The following ARID5B variants were observed in gnomAD, a reference collection of about 807,000 sequenced individuals.
ARID5B encodes AT-rich interaction domain 5B, also known as AT-rich interactive domain-containing protein 5B.
ARID5B carries 13 observed loss-of-function variants against 97.2 expected under a neutral mutation model. The ratio of observed to expected loss-of-function variants is 0.13; its 90% confidence interval spans 0.09 to 0.21. ARID5B has a LOEUF of 0.21. Ranked by LOEUF, ARID5B falls within the 10% of genes least tolerant of loss-of-function variation. The pLI, the probability that ARID5B is intolerant of heterozygous loss-of-function variation, is 1.00. For missense variants in ARID5B, 1,210 were observed against 1,465.3 expected, an observed-to-expected ratio of 0.83 and a Z score of 2.84; for synonymous variants, 556 against 570.3, an observed-to-expected ratio of 0.97 and a Z score of 0.36.
At chr10:62,068,680 A>G (rs1044364190) in intron 7 of ARID5B, among the ~76,000 whole-genome samples, 1 of 152,106 alleles carries the variant, frequency 6.6e-6, no homozygotes, top group East Asian at 1.9e-4. Context: ...ACACATTCAA[A>G]TAACAGAGTT....
intron 7 of ARID5B, among the ~76,000 whole-genome samples, chr10:62,060,692 A>G (rs960846144): frequency 1.3e-5 from 2 of 152,208 alleles, no homozygotes; most frequent in African/African-American, 4.8e-5. Flanking sequence ...TAAACGTAGA[A>G]GTCAACCCAA....
chr10:62,096,686 A>T lies in ARID5B; in HGVS notation c.*3656A>T, dbSNP rs1443646011. On this transcript the variant is annotated 3_prime_UTR_variant, in exon 10 of 10. Transcript: ENST00000279873. Reference sequence around the variant, plus strand: ...TGCTCTGTAAGGTGATTATTTGTATATAGCAACATGGCCCAGTGATATTAT... The same window carrying T: ...TGCTCTGTAAGGTGATTATTTGTATTTAGCAACATGGCCCAGTGATATTAT... 4.3e-6 allele frequency: 1 copy of T among 233,428 alleles called. No individual in the cohort carries two copies. The highest frequency in any genetic ancestry group is 8.5e-6 in the Non-Finnish European group (1 of 118,000). 14.5% of individuals were successfully genotyped at this position (233,428 alleles called of 1,614,324 possible).
chr10:62,087,688 G>T (rs1487637040), intron 9 of ARID5B, among the ~76,000 whole-genome samples: 1 of 152,098 alleles, frequency 6.6e-6, no homozygotes, highest in Non-Finnish European at 1.5e-5. Context: ...GGTTTAAATT[G>T]CACATGTACA....
chr10:62,091,403 A>G lies in ARID5B; in HGVS notation c.1940A>G (p.Lys647Arg). 6.2e-7 allele frequency: 1 copy of G among 1,613,744 alleles called. No homozygotes were observed. Among genetic ancestry groups the G allele is most frequent in the South Asian group, 1.1e-5 (1 of 91,032 alleles). ...CACAATGCGCTCAAGCAGACCCCAA[A>G]GGTCCTTGTGGTCCAGTCGTTTGAC... ...DIHNALKQTP[K>R]VLVVQSFDMF... Residue 647 changes from lysine (K) to arginine (R), a missense_variant, in exon 10 of 10, where the codon AAG becomes AGG. Transcript: ENST00000279873.
chr10:61,965,394 G>A (rs911923723), intron 3 of ARID5B, among the ~76,000 whole-genome samples: 1 of 152,084 alleles, frequency 6.6e-6, no homozygotes, highest in Non-Finnish European at 1.5e-5. Context: ...AGGAGGAACG[G>A]TTATTTTTAA....
Position 62,092,632 on chromosome 10 carries a change from G to A in ARID5B, c.3169G>A (p.Ala1057Thr). Residue 1057 changes from alanine to threonine, a missense_variant, in exon 10 of 10, where the codon GCG becomes ACG. Physicochemically the swap from Ala to Thr is moderately conservative, Grantham distance 58. Around this residue, in one of 8 missense-constraint regions of ARID5B, gnomAD observed 800 missense variants for 839.1 expected, o/e 0.95. Coordinates refer to ENST00000279873, the MANE Select transcript of ARID5B (RefSeq NM_032199.3). ...SEQESEGSKA[A>T]HGGHSGGGSE... ...GCAGGAGAGTGAAGGCAGCAAAGCAGCGCACGGTGGGCATTCCGGGGGCGG... is the reference window on the plus strand; with the variant it reads ...GCAGGAGAGTGAAGGCAGCAAAGCAACGCACGGTGGGCATTCCGGGGGCGG... 6.2e-7 allele frequency: 1 copy of A among 1,614,220 alleles called. No individual in the cohort carries two copies. The highest frequency in any genetic ancestry group is 8.5e-7 in the Non-Finnish European group (1 of 1,180,030).
At chr10:61,988,666 G>A (rs922272324) in intron 3 of ARID5B, among the ~76,000 whole-genome samples, 44 of 152,058 alleles carry the variant, frequency 2.9e-4, no homozygotes, top group African/African-American at 1.0e-3. Flanking sequence ...TTGGCCAAAA[G>A]GAACCTGTAC....
chr10:61,994,572 C>G (rs1356613489), intron 3 of ARID5B, among the ~76,000 whole-genome samples: 1 of 152,134 alleles, frequency 6.6e-6, no homozygotes, highest in African/African-American at 2.4e-5. Context: ...GAGCAACCTG[C>G]TATTCAGAAT....
At chr10:62,013,400 T>C (rs538654087) in intron 4 of ARID5B, among the ~76,000 whole-genome samples, 2 of 152,216 alleles carry the variant, frequency 1.3e-5, no homozygotes, top group African/African-American at 4.8e-5. Flanking sequence ...GCTAAATTGA[T>C]GTAATTAGCA....
chr10:62,002,754 C>A (rs564541945), intron 4 of ARID5B, among the ~76,000 whole-genome samples: 64 of 152,216 alleles, frequency 4.2e-4, no homozygotes, highest in African/African-American at 1.5e-3. Flanking sequence ...AACAAATGTT[C>A]CTAATATTAA....
chr10:62,083,761 T>C (rs935825254), intron 8 of ARID5B, among the ~76,000 whole-genome samples: 22 of 152,214 alleles, frequency 1.4e-4, no homozygotes, highest in African/African-American at 4.8e-4. Flanking sequence ...GTTTAAAATA[T>C]TCAATGCATT....
chr10:62,055,423 C>T (rs1344350602), intron 5 of ARID5B, among the ~76,000 whole-genome samples: 2 of 151,994 alleles, frequency 1.3e-5, no homozygotes, highest in Non-Finnish European at 2.9e-5. Context: ...ACATAAACAG[C>T]GTTGAGAATG....
chr10:62,012,889 TAGA>T (rs1393692271), intron 4 of ARID5B, among the ~76,000 whole-genome samples: 1 of 152,198 alleles, frequency 6.6e-6, no homozygotes, highest in Non-Finnish European at 1.5e-5. Context: ...CCCTTTTTAT[TAGA>T]AGTTTATATT....
intron 2 of ARID5B, among the ~76,000 whole-genome samples, chr10:61,933,121 C>T (rs962623527): frequency 6.6e-6 from 1 of 152,200 alleles, no homozygotes; most frequent in African/African-American, 2.4e-5. Context: ...AGCATCTTCA[C>T]CAACAGTAGA....
intron 2 of ARID5B, among the ~76,000 whole-genome samples, chr10:61,931,884 AC>A (rs1844216776): frequency 6.6e-6 from 1 of 152,146 alleles, no homozygotes; most frequent in African/African-American, 2.4e-5. Flanking sequence ...AGCAACTGGA[AC>A]TCTCATGCAT....
intron 3 of ARID5B, among the ~76,000 whole-genome samples, chr10:61,975,771 A>T (rs1838690935): frequency 6.6e-6 from 1 of 152,162 alleles, no homozygotes; most frequent in African/African-American, 2.4e-5. Context: ...TAGCTGATGG[A>T]TGTAAATTCT....
chr10:62,044,585 C>T (rs1839682718), intron 4 of ARID5B, among the ~76,000 whole-genome samples: 1 of 152,048 alleles, frequency 6.6e-6, no homozygotes, highest in African/African-American at 2.4e-5. Flanking sequence ...ATTGCCCAAG[C>T]TGGTCTCAAG....
chr10:61,901,751 C>T lies in ARID5B; in HGVS notation c.21+21C>T, dbSNP rs1286538569. The T allele has an allele frequency of 4.3e-6, 7 of 1,612,968 alleles. No homozygotes were observed. In the South Asian group the frequency reaches 6.6e-5, roughly 15 times the overall value. ...TCCAGGTATTTCGCTCTCCTCCGCT[C>T]CTCCGATCCCGGCACCCCCCGGCAC... On this transcript the variant is annotated intron_variant, in intron 1 of 9. Coordinates refer to ENST00000279873, the MANE Select transcript of ARID5B (RefSeq NM_032199.3).
chr10:62,077,353 CA>C (rs774271877), intron 8 of ARID5B, among the ~76,000 whole-genome samples: 71 of 152,032 alleles, frequency 4.7e-4, no homozygotes, highest in Non-Finnish European at 9.6e-4. Flanking sequence ...AAAAAATAAA[CA>C]ACAGCCTTTG....
Sources: allele counts gnomAD v4.1 joint callset (sites outside exome capture counted in the v4.1 genomes callset), GRCh38; gene constraint gnomAD v4.1.1; regional missense constraint gnomAD v4.1.1; transcripts MANE v1.5; gene names NCBI Gene and HGNC (gene_info 2026-07-23, HGNC 2026-07-21).